Variants in CNTNAP5 observed in about 807,000 individuals in gnomAD.
CNTNAP5 encodes contactin-associated protein-like 5.
In CNTNAP5, 72 loss-of-function variants were observed where a neutral mutation model predicts 150.2. That is an observed-to-expected ratio of 0.48 (90% CI 0.40 to 0.58). The LOEUF (loss-of-function observed/expected upper bound fraction) is 0.58. Ranked by LOEUF, CNTNAP5 falls within the 20% of genes least tolerant of loss-of-function variation. CNTNAP5 has a pLI of 0.00. For missense variants in CNTNAP5, 1,636 were observed against 1,626.2 expected, an observed-to-expected ratio of 1.01 and a Z score of -0.10; for synonymous variants, 672 against 619.8, an observed-to-expected ratio of 1.08 and a Z score of -1.25.
Position 124,084,924 on chromosome 2 carries a change from G to GTTTTT in CNTNAP5, c.82+59203_82+59207dup, listed in dbSNP as rs71394021. On this transcript the variant is annotated intron_variant, in intron 1 of 23. Transcript: ENST00000682447. ...TAAAAATTATGAATTCAAGTTTCCT[G>GTTTTT]TTTTTTTTTTTTTTTGAGACGGAGT... is the stretch of plus-strand genomic sequence containing the variant. Among the ~76,000 whole-genome samples, 3 of 89,980 alleles carry GTTTTT rather than the reference G, an allele frequency of 3.3e-5. 1 individual carries two copies. Among genetic ancestry groups the GTTTTT allele is most frequent in the South Asian group, 8.8e-4 (2 of 2,262 alleles). 59.0% of individuals were successfully genotyped at this position (89,980 alleles called of 152,430 possible). A position where few individuals can be genotyped will look rare whatever the true frequency, so the allele number is the denominator to read the frequency against.
chr2:124,739,224 C>T (rs1680450544), intron 13 of CNTNAP5, among the ~76,000 whole-genome samples: 1 of 152,074 alleles, frequency 6.6e-6, no homozygotes, highest in Non-Finnish European at 1.5e-5. Context: ...ATGTTAATTC[C>T]TAATGTCACG....
chr2:124,043,367 G>A (rs1681439690), intron 1 of CNTNAP5, among the ~76,000 whole-genome samples: 1 of 152,144 alleles, frequency 6.6e-6, no homozygotes, highest in African/African-American at 2.4e-5. Flanking sequence ...CTGTACATAA[G>A]TCTGCTTCAA....
At chr2:124,835,419 A>C (rs914645236) in intron 19 of CNTNAP5, among the ~76,000 whole-genome samples, 1 of 152,164 alleles carries the variant, frequency 6.6e-6, no homozygotes, top group Non-Finnish European at 1.5e-5. Flanking sequence ...TATCCATTTC[A>C]AACTGCCAGG....
chr2:124,282,568 T>C (rs916926521), intron 3 of CNTNAP5, among the ~76,000 whole-genome samples: 5 of 152,112 alleles, frequency 3.3e-5, no homozygotes, highest in Non-Finnish European at 7.4e-5. Context: ...TATTAATGTA[T>C]GTAGTTTAAA....
At chr2:124,384,208 T>G (rs1022683593) in intron 3 of CNTNAP5, among the ~76,000 whole-genome samples, 1 of 152,174 alleles carries the variant, frequency 6.6e-6, no homozygotes, top group African/African-American at 2.4e-5. Context: ...GAAGGTCAGA[T>G]TTTTATAAAT....
chr2:124,048,066 G>A (rs1220008289), intron 1 of CNTNAP5, among the ~76,000 whole-genome samples: 4 of 152,130 alleles, frequency 2.6e-5, no homozygotes, highest in African/African-American at 4.8e-5. Context: ...TATTTAGCAC[G>A]ATTTCTCTGT....
intron 11 of CNTNAP5, among the ~76,000 whole-genome samples, chr2:124,598,797 T>C (rs1410195342): frequency 2.4e-4 from 37 of 152,262 alleles, no homozygotes; most frequent in South Asian, 2.1e-3. Context: ...ATCAGCGAGA[T>C]TCCGTGGGCA....
chr2:124,915,121 A>G lies in CNTNAP5; in HGVS notation c.*833A>G, dbSNP rs1191651883. ...ATGCTAGCTAGGTATTCCTGGGATTATTATACTGAGATATATATATATACA... is the reference window on the plus strand; with the variant it reads ...ATGCTAGCTAGGTATTCCTGGGATTGTTATACTGAGATATATATATATACA... On this transcript the variant is annotated 3_prime_UTR_variant, in exon 24 of 24. Coordinates refer to ENST00000682447, the MANE Select transcript of CNTNAP5 (RefSeq NM_001367498.1). 1.2e-5 allele frequency: 2 copies of G among 164,796 alleles called. No individual in the cohort carries two copies. The highest frequency in any genetic ancestry group is 2.9e-5 in the Non-Finnish European group (2 of 67,944). The allele number at this position is 164,796 out of a possible 1,614,324, so 10.2% of individuals were successfully genotyped here. A position where few individuals can be genotyped will look rare whatever the true frequency, so the allele number is the denominator to read the frequency against.
intron 3 of CNTNAP5, among the ~76,000 whole-genome samples, chr2:124,325,086 G>C (rs1388184046): frequency 6.6e-6 from 1 of 152,148 alleles, no homozygotes; most frequent in Non-Finnish European, 1.5e-5. Context: ...TAATGTGATG[G>C]TTTTAAGAGG....
At chr2:124,098,204 C>T (rs757509021) in intron 1 of CNTNAP5, among the ~76,000 whole-genome samples, 3 of 152,006 alleles carry the variant, frequency 2.0e-5, no homozygotes, top group Non-Finnish European at 4.4e-5. Context: ...AAGAAGGTTA[C>T]AGTAAAGAAA....
intron 1 of CNTNAP5, 30 bp downstream of exon 1, chr2:124,025,762 TGAG>T (rs1680869823): frequency 6.5e-7 from 1 of 1,549,034 alleles, no homozygotes. Context: ...GGCGGGAAGG[TGAG>T]GTGGAAAACG....
chr2:124,861,000 C>A (rs1167743022), intron 19 of CNTNAP5, among the ~76,000 whole-genome samples: 1 of 151,808 alleles, frequency 6.6e-6, no homozygotes, highest in East Asian at 1.9e-4. Context: ...TACTTCCCAG[C>A]AGCTCTATTT....
At chr2:124,431,192 C>T (rs1692370353) in intron 4 of CNTNAP5, among the ~76,000 whole-genome samples, 1 of 152,106 alleles carries the variant, frequency 6.6e-6, no homozygotes, top group African/African-American at 2.4e-5. Context: ...TAACCTATGT[C>T]CCTTTGCCAT....
chr2:124,261,755 A>G, intron 3 of CNTNAP5, among the ~76,000 whole-genome samples: 1 of 152,202 alleles, frequency 6.6e-6, no homozygotes, highest in Non-Finnish European at 1.5e-5. Flanking sequence ...TGTCAAAAAC[A>G]GAGGCTGTTC....
At chr2:124,115,435 C>T (rs756637150) in intron 1 of CNTNAP5, among the ~76,000 whole-genome samples, 1 of 152,060 alleles carries the variant, frequency 6.6e-6, no homozygotes, top group Admixed American at 6.6e-5. Context: ...TAAGGGCTAG[C>T]CAGGCCCTCA....
intron 1 of CNTNAP5, among the ~76,000 whole-genome samples, chr2:124,176,026 C>T (rs1685055267): frequency 6.6e-6 from 1 of 152,186 alleles, no homozygotes; most frequent in African/African-American, 2.4e-5. Flanking sequence ...AACGAACACA[C>T]TAGTTTGGTA....
intron 3 of CNTNAP5, among the ~76,000 whole-genome samples, chr2:124,249,793 C>G (rs1054212365): frequency 1.3e-5 from 2 of 152,136 alleles, no homozygotes; most frequent in African/African-American, 4.8e-5. Context: ...GAGTTTGACT[C>G]TTTTCATCGA....
chr2:124,088,751 A>T (rs1469732486), intron 1 of CNTNAP5, among the ~76,000 whole-genome samples: 1 of 152,070 alleles, frequency 6.6e-6, no homozygotes, highest in Non-Finnish European at 1.5e-5. Context: ...TCTGCCCTGG[A>T]ACTGTCTGTA....
intron 3 of CNTNAP5, among the ~76,000 whole-genome samples, chr2:124,378,894 C>G (rs2104735365): frequency 6.6e-6 from 1 of 152,272 alleles, no homozygotes; most frequent in South Asian, 2.1e-4. Flanking sequence ...GGAACAAGTT[C>G]ACTTTGCATA....
Sources: gnomAD v4.1 joint callset for allele counts (sites outside exome capture counted in the v4.1 genomes callset) on GRCh38, gnomAD v4.1.1 for gene constraint, MANE v1.5 for transcripts, NCBI Gene and HGNC (gene_info 2026-07-23, HGNC 2026-07-21) for gene names.